HAT1: variants seen among roughly 807,000 people sequenced by gnomAD.
The protein encoded by HAT1 is histone acetyltransferase 1.
In HAT1, 20 loss-of-function variants were observed where a neutral mutation model predicts 56.6. The observed-to-expected ratio is 0.35, with a 90% CI of 0.25 to 0.51. The LOEUF (loss-of-function observed/expected upper bound fraction) is 0.51. HAT1 is among the 20% of genes least tolerant of loss of function. HAT1 has a pLI of 0.95. For synonymous variants in HAT1, 146 were observed against 165.5 expected (o/e 0.88, Z 0.91); for missense variants, 408 against 504.3 (o/e 0.81, Z 1.83).
Position 171,939,815 on chromosome 2 carries a change from C to A in HAT1, c.113-6893C>A, listed in dbSNP as rs1686974694. Among the ~76,000 whole-genome samples the A allele has an allele frequency of 3.4e-5, 5 of 148,458 alleles. No individual in the cohort carries two copies. In the Admixed American group the frequency reaches 3.4e-4, roughly 10 times the overall value. Reference sequence around the variant, plus strand: ...TTTTTTCTTTTTTTTTTTTTTAAGACAGGGTCTCACTTTATTGCACAAGCT... The same window carrying A: ...TTTTTTCTTTTTTTTTTTTTTAAGAAAGGGTCTCACTTTATTGCACAAGCT... On this transcript the variant is annotated intron_variant, in intron 2 of 10. Transcript: ENST00000264108.
intron 8 of HAT1, among the ~76,000 whole-genome samples, chr2:171,971,389 C>G (rs975092257): frequency 6.6e-6 from 1 of 152,192 alleles, no homozygotes; most frequent in Admixed American, 6.5e-5. Context: ...CTGAAAAGAT[C>G]CTTCGTGTCC....
At chr2:171,928,412 A>AC (rs1375315336) in intron 2 of HAT1, among the ~76,000 whole-genome samples, 1 of 152,236 alleles carries the variant, frequency 6.6e-6, no homozygotes, top group Non-Finnish European at 1.5e-5. Flanking sequence ...ATGGAATTAT[A>AC]CCATATATAC....
chr2:171,923,484 C>T (rs1686498008), intron 1 of HAT1: 1 of 152,166 alleles, frequency 6.6e-6, no homozygotes, highest in South Asian at 2.1e-4. Flanking sequence ...TGTATTGCCT[C>T]AGGCCGGTCT....
chr2:171,928,748 A>T (rs531733343), intron 2 of HAT1, among the ~76,000 whole-genome samples: 1 of 152,060 alleles, frequency 6.6e-6, no homozygotes, highest in Non-Finnish European at 1.5e-5. Flanking sequence ...TGGCTTCATG[A>T]TCGCCTGCCT....
chr2:171,974,345 T>C (rs1434806104), intron 8 of HAT1, among the ~76,000 whole-genome samples: 1 of 152,154 alleles, frequency 6.6e-6, no homozygotes, highest in African/African-American at 2.4e-5. Flanking sequence ...GGAAATGGGA[T>C]TATTTTCTTA....
chr2:171,952,911 G>T lies in HAT1; in HGVS notation c.219G>T (p.Lys73Asn). The stretch of plus-strand genomic sequence containing the variant: ...CTGCTTTTGGTTACAAGGGTCTAAA[G>T]ATCCTGTTATACTATATTGCTGGTA... Reference protein sequence around the residue: ...DETAFGYKGLKILLYYIAGSL... With the variant: ...DETAFGYKGLNILLYYIAGSL... The change falls in exon 4 of 11, where the codon AAG (lysine) becomes AAT (asparagine). Residue 73 changes from lysine to asparagine, a missense_variant. Lys to Asn is a moderately conservative substitution (Grantham distance 94). Transcript: ENST00000264108. 1.3e-6 allele frequency: 2 copies of T among 1,592,520 alleles called. No homozygotes were observed. Among genetic ancestry groups the T allele is most frequent in the South Asian group, 1.1e-5 (1 of 88,700 alleles).
At chr2:171,960,211 G>A (rs950431216) in intron 4 of HAT1, among the ~76,000 whole-genome samples, 3 of 152,130 alleles carry the variant, frequency 2.0e-5, no homozygotes, top group Non-Finnish European at 2.9e-5. Flanking sequence ...AGAAGAGACC[G>A]GAACATTGCA....
chr2:171,960,096 A>G (rs1392842300), intron 4 of HAT1, among the ~76,000 whole-genome samples: 2 of 152,214 alleles, frequency 1.3e-5, no homozygotes, highest in African/African-American at 2.4e-5. Context: ...GGCATTCTTT[A>G]GAGGCATTCT....
chr2:171,931,592 T>C (rs1303036645), intron 2 of HAT1, among the ~76,000 whole-genome samples: 2 of 151,990 alleles, frequency 1.3e-5, no homozygotes, highest in Non-Finnish European at 2.9e-5. Flanking sequence ...GAGAATTGCT[T>C]GAGCCCAGGA....
At chr2:171,955,762 G>A (rs1687423776) in intron 4 of HAT1, among the ~76,000 whole-genome samples, 1 of 151,998 alleles carries the variant, frequency 6.6e-6, no homozygotes, top group Admixed American at 6.6e-5. Flanking sequence ...ACACGAACAT[G>A]AGCTGGATGC....
intron 7 of HAT1, 97 bp from the exon 8 acceptor site, chr2:171,966,746 C>T (rs1307639429): frequency 1.5e-6 from 1 of 663,572 alleles, no homozygotes; most frequent in African/African-American, 1.8e-5. Flanking sequence ...AAAAAGATCA[C>T]ACAAACTTTA....
In HAT1 at chr2:171,983,522, A is replaced by G; in HGVS notation, c.*170A>G. On this transcript the variant is annotated 3_prime_UTR_variant, in exon 11 of 11. Transcript: ENST00000264108. ...GATTGTATATTTTAAAATACTGTTT[A>G]GAGTTTATGAGCATATATTGCATTT... The G allele has an allele frequency of 2.3e-6, 1 of 434,468 alleles. No homozygotes were observed. The highest frequency in any genetic ancestry group is 4.1e-6 in the Non-Finnish European group (1 of 243,458). 26.9% of individuals were successfully genotyped at this position (434,468 alleles called of 1,614,324 possible).
intron 1 of HAT1, 158 bp downstream of exon 1, chr2:171,922,665 A>G: frequency 1.9e-6 from 1 of 536,922 alleles, no homozygotes; most frequent in Non-Finnish European, 2.9e-6. Flanking sequence ...TCAGCCCAGC[A>G]GCTCCTTGTT....
intron 2 of HAT1, among the ~76,000 whole-genome samples, chr2:171,939,122 G>A (rs184387603): frequency 1.2e-4 from 19 of 152,242 alleles, no homozygotes; most frequent in Admixed American, 1.1e-3. Flanking sequence ...CGATTCACCT[G>A]ACTTATTCAA....
At chr2:171,943,518 T>A (rs1687082610) in intron 2 of HAT1, among the ~76,000 whole-genome samples, 1 of 151,144 alleles carries the variant, frequency 6.6e-6, no homozygotes, top group Non-Finnish European at 1.5e-5. Context: ...GCCTCTTTTT[T>A]TTCTTTAAAT....
At chr2:171,948,144 A>G (rs946907385) in intron 3 of HAT1, among the ~76,000 whole-genome samples, 2 of 152,316 alleles carry the variant, frequency 1.3e-5, no homozygotes, top group South Asian at 2.1e-4. Context: ...TTGCAGATCT[A>G]TCCTGATCCT....
chr2:171,979,226 T>G, intron 9 of HAT1, 21 bp from the exon 10 acceptor site: 1 of 1,150,390 alleles, frequency 8.7e-7, no homozygotes, highest in Non-Finnish European at 1.3e-6. Flanking sequence ...AATGTTCGCA[T>G]TTTCTTTTGT....
intron 3 of HAT1, 92 bp from the exon 4 acceptor site, chr2:171,952,789 T>C (rs1404967802): frequency 1.5e-6 from 1 of 653,028 alleles, no homozygotes; most frequent in Admixed American, 3.4e-5. Flanking sequence ...ATCTTGAAAC[T>C]ACCCATGAAG....
At chr2:171,930,821 C>A (rs1686724729) in intron 2 of HAT1, among the ~76,000 whole-genome samples, 1 of 151,788 alleles carries the variant, frequency 6.6e-6, no homozygotes, top group African/African-American at 2.4e-5. Context: ...CACTATATTG[C>A]CCATGCTGGT....
Sources: gnomAD v4.1 joint callset for allele counts (sites outside exome capture counted in the v4.1 genomes callset) on GRCh38, gnomAD v4.1.1 for gene constraint, MANE v1.5 for transcripts, NCBI Gene and HGNC (gene_info 2026-07-23, HGNC 2026-07-21) for gene names.